KCTD1: variants seen among roughly 807,000 people sequenced by gnomAD.
KCTD1 encodes potassium channel tetramerization domain containing 1.
KCTD1 carries 24 observed loss-of-function variants against 66.0 expected under a neutral mutation model. The ratio of observed to expected loss-of-function variants is 0.36; its 90% CI spans 0.26 to 0.51. The LOEUF (loss-of-function observed/expected upper bound fraction) is 0.51. KCTD1 is among the 20% of genes least tolerant of loss of function. KCTD1 has a pLI of 0.95. For synonymous variants in KCTD1, 511 were observed against 517.2 expected (o/e 0.99, Z 0.16); for missense variants, 943 against 1,205.2 (o/e 0.78, Z 3.22).
intron 1 of KCTD1, among the ~76,000 whole-genome samples, chr18:26,540,655 T>C (rs1294124859): frequency 1.3e-5 from 2 of 152,214 alleles, no homozygotes. Context: ...TTCCACTCAA[T>C]GAATAGTAAA....
chr18:26,501,041 C>T (rs779335267), intron 2 of KCTD1, 31 bp downstream of exon 2: 31 of 1,605,664 alleles, frequency 1.9e-5, no homozygotes, highest in Non-Finnish European at 2.5e-5. Context: ...ACATGCACGT[C>T]GGAGTCTGAT....
chr18:26,509,376 T>C (rs181748709), intron 1 of KCTD1, among the ~76,000 whole-genome samples: 90 of 152,014 alleles, frequency 5.9e-4, no homozygotes, highest in Admixed American at 9.8e-4. Flanking sequence ...ATTCTTTTTT[T>C]TAAGAATATA....
In KCTD1 at chr18:26,548,255, C is replaced by T. The variant is rs891473110; in HGVS notation, c.282G>A (p.Glu94=). 2 of 1,515,152 alleles carry T rather than the reference C, an allele frequency of 1.3e-6. No individual in the cohort carries two copies. Among genetic ancestry groups the T allele is most frequent in the Non-Finnish European group, 1.8e-6 (2 of 1,135,688 alleles). 93.9% of individuals were successfully genotyped at this position (1,515,152 alleles called of 1,614,324 possible). A position where few individuals can be genotyped will look rare whatever the true frequency, so the allele number is the denominator to read the frequency against. The change falls in exon 1 of 5, where the codon GAG becomes GAA. Residue 94 remains glutamate, a synonymous_variant. Transcript: ENST00000580059. The part of the protein sequence containing the change: ...GLEEDEEEEE[E]EEMGLDWDEP... ...CGTCCCAGTCCAGCCCCATCTCCTCCTCTTCCTCCTCCTCCTCGTCCTCCT... is the reference window on the plus strand; with the variant it reads ...CGTCCCAGTCCAGCCCCATCTCCTCTTCTTCCTCCTCCTCCTCGTCCTCCT...
In KCTD1 at chr18:26,591,174, T is replaced by C. The variant is rs117973316; in HGVS notation, c.-16+37973A>G. On this transcript the variant is annotated intron_variant, in intron 1 of 4. Coordinates refer to the KCTD1 transcript ENST00000317932. ...CCATGCAGCTGAAACTACAAGTACA[T>C]ACCACTACACCAGCTAATTATTATT... Among the ~76,000 whole-genome samples, 83 of 152,156 alleles carry C rather than the reference T, an allele frequency of 5.5e-4. 3 individuals are homozygous for C. In the East Asian group the frequency reaches 0.014, roughly 25 times the overall value.
At chr18:26,651,909 A>G (rs1988044354) in intron 1 of KCTD1, among the ~76,000 whole-genome samples, 1 of 152,116 alleles carries the variant, frequency 6.6e-6, no homozygotes, top group Admixed American at 6.5e-5. Flanking sequence ...CGGGCATGTT[A>G]CCTAGGGTGG....
chr18:26,643,074 T>C (rs1987861976), upstream of KCTD1, among the ~76,000 whole-genome samples: 1 of 152,084 alleles, frequency 6.6e-6, no homozygotes, highest in African/African-American at 2.4e-5. Context: ...AACAGAAATT[T>C]ATTTCCCACG....
chr18:26,626,362 A>C (rs1987501037), intron 1 of KCTD1, among the ~76,000 whole-genome samples: 1 of 152,040 alleles, frequency 6.6e-6, no homozygotes, highest in Non-Finnish European at 1.5e-5. Flanking sequence ...AGATAACTTT[A>C]TCTATTGGTA....
chr18:26,605,064 T>C (rs1986981778), intron 1 of KCTD1, among the ~76,000 whole-genome samples: 1 of 151,970 alleles, frequency 6.6e-6, no homozygotes, highest in South Asian at 2.1e-4. Context: ...TTCCAGGCAA[T>C]AGGGTAGAGA....
chr18:26,548,233 C>A lies in KCTD1; in HGVS notation c.304G>T (p.Asp102Tyr). 1.3e-6 allele frequency: 2 copies of A among 1,510,758 alleles called. No homozygotes were observed. Among genetic ancestry groups the A allele is most frequent in the South Asian group, 2.5e-5 (2 of 80,786 alleles). 93.6% of individuals were successfully genotyped at this position (1,510,758 alleles called of 1,614,324 possible). A position where few individuals can be genotyped will look rare whatever the true frequency, so the allele number is the denominator to read the frequency against. Residue 102 changes from aspartate to tyrosine, a missense_variant, in exon 1 of 5, where the codon GAC (aspartate) becomes TAC (tyrosine). By Grantham distance (160) the Asp-to-Tyr change is radical. Coordinates refer to ENST00000580059, the MANE Select transcript of KCTD1 (RefSeq NM_001142730.3). ...GAGTCCTCGGGCTCCAGGGGCTCGT[C>A]CCAGTCCAGCCCCATCTCCTCCTCT... ...EEEEEMGLDWDEPLEPEDSAG... is the reference protein window; with the variant it reads ...EEEEEMGLDWYEPLEPEDSAG...
chr18:26,483,581 T>C (rs1418968486), intron 2 of KCTD1, among the ~76,000 whole-genome samples: 1 of 152,270 alleles, frequency 6.6e-6, no homozygotes. Flanking sequence ...AGTATTTTTC[T>C]ATTGAACCAT....
intron 1 of KCTD1, among the ~76,000 whole-genome samples, chr18:26,519,284 A>C (rs1983804290): frequency 6.6e-6 from 1 of 152,238 alleles, no homozygotes; most frequent in South Asian, 2.1e-4. Flanking sequence ...GAAGTACAGA[A>C]CATAACTCCT....
chr18:26,548,696 G>T, upstream of KCTD1: 1 of 1,013,406 alleles, frequency 9.9e-7, no homozygotes, highest in South Asian at 5.0e-5. Context: ...AGCTCCGGAG[G>T]GGCAGCGGCG....
intron 1 of KCTD1, among the ~76,000 whole-genome samples, chr18:26,528,835 C>T (rs771637270): frequency 3.7e-4 from 56 of 152,318 alleles, no homozygotes; most frequent in Non-Finnish European, 6.3e-4. Flanking sequence ...TCCTCCTCCC[C>T]GGCCACTTGT....
intron 1 of KCTD1, among the ~76,000 whole-genome samples, chr18:26,576,848 C>T (rs1249836124): frequency 6.6e-6 from 1 of 152,032 alleles, no homozygotes; most frequent in Admixed American, 6.6e-5. Context: ...ATGTTCAATG[C>T]ACTTGTTTTA....
intron 3 of KCTD1, among the ~76,000 whole-genome samples, chr18:26,472,148 C>G (rs1026986720): frequency 1.3e-5 from 2 of 151,874 alleles, no homozygotes; most frequent in Non-Finnish European, 1.5e-5. Flanking sequence ...GGGAGGCAGA[C>G]AGAGTGAGCT....
chr18:26,476,651 C>T lies in KCTD1; in HGVS notation c.1997G>A (p.Arg666Lys). The T allele has an allele frequency of 6.2e-7, 1 of 1,610,862 alleles. No homozygotes were observed. Residue 666 changes from arginine to lysine, a missense_variant, in exon 3 of 5, where the codon AGA becomes AAA. By Grantham distance (26) the Arg-to-Lys change is conservative (BLOSUM62 2). This residue lies in a region of KCTD1 where 41 missense variants were observed against 103.8 expected (regional missense o/e 0.39). Transcript: ENST00000580059. The surrounding 1 kb of genome is among the most constrained non-coding windows in gnomAD (Gnocchi z 4.9). The stretch of plus-strand genomic sequence containing the variant: ...AATGGGCTCTGTACCATCAAAAAGT[C>T]TTCCGATTCTGTGATAGAAAAGAGG... The part of the protein sequence containing the change: ...LTKYPESRIG[R>K]LFDGTEPIVL...
chr18:26,455,964 C>A (rs1299775202), intron 4 of KCTD1, 63 bp from the exon 5 acceptor site: 46 of 1,526,072 alleles, frequency 3.0e-5, no homozygotes, highest in Admixed American at 9.9e-5. Flanking sequence ...TACATAAACA[C>A]CCCAAAGTTT....
chr18:26,651,670 G>A (rs1269191407), intron 1 of KCTD1, among the ~76,000 whole-genome samples: 1 of 151,638 alleles, frequency 6.6e-6, no homozygotes, highest in African/African-American at 2.4e-5. Flanking sequence ...TGTAGTCCCA[G>A]CTACTCAGGA....
intron 3 of KCTD1, among the ~76,000 whole-genome samples, chr18:26,470,526 G>A (rs555359267): frequency 6.6e-6 from 1 of 152,350 alleles, no homozygotes; most frequent in Admixed American, 6.5e-5. Context: ...ACTGAGGATG[G>A]CAAAACAGAA....
Sources: allele counts gnomAD v4.1 joint callset (sites outside exome capture counted in the v4.1 genomes callset), GRCh38; gene constraint gnomAD v4.1.1; regional missense constraint gnomAD v4.1.1; non-coding constraint Gnocchi (gnomAD v3.1); transcripts MANE v1.5; gene names NCBI Gene and HGNC (gene_info 2026-07-23, HGNC 2026-07-21).